The following NYAP2 variants were observed in gnomAD, a reference collection of about 807,000 sequenced individuals.
NYAP2 encodes neuronal tyrosine-phosphorylated phosphoinositide-3-kinase adapter 2.
A neutral mutation model predicts 50.4 loss-of-function variants in NYAP2; 23 were observed. That is an observed-to-expected ratio of 0.46 (90% CI 0.33 to 0.65). NYAP2 has a LOEUF of 0.65. Among genes scored for constraint, NYAP2 ranks in the 30% least tolerant of loss-of-function variants. NYAP2 has a pLI of 0.02. For missense variants in NYAP2, 885 were observed against 861.0 expected (o/e 1.03, Z -0.35); for synonymous variants, 394 against 365.2 (o/e 1.08, Z -0.90).
chr2:225,407,090 C>T (rs933498247), intron 2 of NYAP2, among the ~76,000 whole-genome samples: 1 of 151,944 alleles, frequency 6.6e-6, no homozygotes, highest in Non-Finnish European at 1.5e-5. Flanking sequence ...AATTAATTGT[C>T]GTGAAGTTAT....
the NYAP2 span, among the ~76,000 whole-genome samples, chr2:225,669,535 T>C: frequency 1.3e-5 from 2 of 152,062 alleles, no homozygotes; most frequent in African/African-American, 4.8e-5. Context: ...TTGATTACAA[T>C]TTAAAAAATC....
intron 3 of NYAP2, among the ~76,000 whole-genome samples, chr2:225,456,809 C>A (rs1279806499): frequency 1.3e-5 from 2 of 152,132 alleles, no homozygotes; most frequent in Non-Finnish European, 2.9e-5. Context: ...CAGCTAGCTT[C>A]CCTATCTGAG....
At chr2:225,407,450 TAGG>T (rs1192238337) in intron 2 of NYAP2, among the ~76,000 whole-genome samples, 1 of 151,942 alleles carries the variant, frequency 6.6e-6, no homozygotes, top group Non-Finnish European at 1.5e-5. Flanking sequence ...ATTTCTTAGA[TAGG>T]AGAGAAAAAT....
At chr2:225,522,240 G>A (rs993151060) in intron 4 of NYAP2, among the ~76,000 whole-genome samples, 1 of 151,986 alleles carries the variant, frequency 6.6e-6, no homozygotes, top group Non-Finnish European at 1.5e-5. Context: ...AACCAGCTAA[G>A]TATTCCTACC....
At chr2:225,603,227 G>A (rs1574704120) in intron 5 of NYAP2, among the ~76,000 whole-genome samples, 1 of 152,010 alleles carries the variant, frequency 6.6e-6, no homozygotes, top group East Asian at 1.9e-4. Context: ...CATCCATTCA[G>A]TCTTTCATTC....
chr2:225,517,400 C>A (rs1350619188), intron 4 of NYAP2, among the ~76,000 whole-genome samples: 7 of 152,124 alleles, frequency 4.6e-5, no homozygotes, highest in Non-Finnish European at 1.5e-5. Context: ...CATTGGTCAT[C>A]CCCATTCCTC....
At chr2:225,405,029 G>T (rs1201187298) in intron 2 of NYAP2, among the ~76,000 whole-genome samples, 2 of 152,040 alleles carry the variant, frequency 1.3e-5, no homozygotes, top group South Asian at 4.1e-4. Context: ...ATTGCAAAGA[G>T]AACACATCTG....
chr2:225,621,943 C>T (rs1418696808), intron 5 of NYAP2, among the ~76,000 whole-genome samples: 1 of 152,074 alleles, frequency 6.6e-6, no homozygotes, highest in Non-Finnish European at 1.5e-5. Context: ...ACCCAGTCAT[C>T]GATGGACACT....
intron 3 of NYAP2, among the ~76,000 whole-genome samples, chr2:225,428,078 A>G (rs951714821): frequency 6.6e-6 from 1 of 152,044 alleles, no homozygotes; most frequent in Non-Finnish European, 1.5e-5. Context: ...AAAGGGGTTG[A>G]TTTTTCCTCT....
At chr2:225,632,712 G>A (rs1283876297) in intron 6 of NYAP2, among the ~76,000 whole-genome samples, 1 of 152,154 alleles carries the variant, frequency 6.6e-6, no homozygotes, top group Non-Finnish European at 1.5e-5. Flanking sequence ...GATTATACAA[G>A]TAAATATGGT....
the NYAP2 span, among the ~76,000 whole-genome samples, chr2:225,682,671 A>C: frequency 6.6e-6 from 1 of 152,192 alleles, no homozygotes; most frequent in Non-Finnish European, 1.5e-5. Flanking sequence ...GGGTACAAAC[A>C]GCTATCAAAA....
chr2:225,638,598 T>C (rs1693468526), intron 6 of NYAP2, among the ~76,000 whole-genome samples: 1 of 152,042 alleles, frequency 6.6e-6, no homozygotes, highest in African/African-American at 2.4e-5. Flanking sequence ...GGATACCCAG[T>C]TACCCACAAA....
intron 3 of NYAP2, among the ~76,000 whole-genome samples, chr2:225,493,261 A>G (rs1294750242): frequency 1.3e-5 from 2 of 152,202 alleles, no homozygotes; most frequent in Non-Finnish European, 2.9e-5. Flanking sequence ...TGCTAGGATT[A>G]TAAGTGTGAG....
At chr2:225,597,512 A>AATATATATATATATATATATACATAT in intron 5 of NYAP2, among the ~76,000 whole-genome samples, 2 of 46,214 alleles carry the variant, frequency 4.3e-5, no homozygotes, top group African/African-American at 5.9e-5. Context: ...TCCAAGGAGA[A>AATATATATATATATATATATACATAT]ATATATATAT....
At chr2:225,564,450 T>C (rs907256988) in intron 4 of NYAP2, among the ~76,000 whole-genome samples, 4 of 151,980 alleles carry the variant, frequency 2.6e-5, no homozygotes, top group Middle Eastern at 3.4e-3. Flanking sequence ...GATTCTAACA[T>C]GGATCAAGCT....
At chr2:225,427,760 A>C (rs1158381824) in intron 3 of NYAP2, among the ~76,000 whole-genome samples, 1 of 152,236 alleles carries the variant, frequency 6.6e-6, no homozygotes, top group Non-Finnish European at 1.5e-5. Context: ...GCATAAAATT[A>C]AAAGTGAGCC....
chr2:225,553,675 T>G (rs1027446644), intron 4 of NYAP2, among the ~76,000 whole-genome samples: 1 of 152,198 alleles, frequency 6.6e-6, no homozygotes, highest in African/African-American at 2.4e-5. Context: ...GGTGCTGATA[T>G]CAAAAAGTAT....
chr2:225,700,029 A>G, the NYAP2 span: 1 of 151,844 alleles, frequency 6.6e-6, no homozygotes, highest in Non-Finnish European at 1.5e-5. Context: ...TTGTTATAGC[A>G]GTTTTTCTTG....
At chr2:225,626,993 C>T in exon 6 of NYAP2, 1 of 1,588,640 alleles carries the variant, frequency 6.3e-7, no homozygotes, top group Non-Finnish European at 8.6e-7. Flanking sequence ...AAAGAGGCCA[C>T]CATGGGGCGT....
Sources: gnomAD v4.1 joint callset for allele counts (sites outside exome capture counted in the v4.1 genomes callset) on GRCh38, gnomAD v4.1.1 for gene constraint, MANE v1.5 for transcripts, NCBI Gene and HGNC (gene_info 2026-07-23, HGNC 2026-07-21) for gene names.